The following SVEP1 variants were observed in gnomAD, a reference collection of about 807,000 sequenced individuals.
The protein encoded by SVEP1 is sushi, von Willebrand factor type A, EGF and pentraxin domain containing 1.
Under a neutral mutation model 367.3 loss-of-function variants are expected in SVEP1, and 164 were observed. The ratio of observed to expected loss-of-function variants is 0.45; its 90% CI spans 0.39 to 0.51. SVEP1 has a LOEUF of 0.51. SVEP1 is among the 20% of genes least tolerant of loss of function. The pLI, the probability that SVEP1 is intolerant of heterozygous loss-of-function variation, is 0.00. For synonymous variants in SVEP1, 1,666 were observed against 1,611.6 expected, an observed-to-expected ratio of 1.03 and a Z score of -0.81; for missense variants, 4,117 against 4,425.3, an observed-to-expected ratio of 0.93 and a Z score of 1.98.
chr9:110,571,376 G>A (rs1000365959), intron 1 of SVEP1, among the ~76,000 whole-genome samples: 1 of 152,170 alleles, frequency 6.6e-6, no homozygotes, highest in Non-Finnish European at 1.5e-5. Context: ...GAAGTACTGT[G>A]TGGACTGCCA....
intron 8 of SVEP1, among the ~76,000 whole-genome samples, chr9:110,493,394 T>C (rs1305134108): frequency 3.3e-5 from 5 of 152,138 alleles, no homozygotes; most frequent in African/African-American, 1.2e-4. Context: ...CTGTGTTCAT[T>C]TCCTATTGTT....
At chr9:110,514,250 G>T in intron 3 of SVEP1, 144 bp from the exon 4 acceptor site, 2 of 1,060,804 alleles carry the variant, frequency 1.9e-6, no homozygotes, top group South Asian at 1.5e-5. Context: ...GGTGGCTCAC[G>T]CCTGTAATCC....
chr9:110,543,106 C>T (rs893754795), intron 3 of SVEP1, among the ~76,000 whole-genome samples: 3 of 151,902 alleles, frequency 2.0e-5, no homozygotes, highest in Admixed American at 6.6e-5. Flanking sequence ...GTCCTTCATG[C>T]CATAGGAAGG....
intron 36 of SVEP1, among the ~76,000 whole-genome samples, chr9:110,425,299 CTAA>C (rs1344729614): frequency 1.3e-5 from 2 of 152,164 alleles, no homozygotes; most frequent in South Asian, 2.1e-4. Context: ...ACTTTATATG[CTAA>C]TAATGATACA....
At chr9:110,383,580 G>A (rs1827476060) in intron 43 of SVEP1, among the ~76,000 whole-genome samples, 1 of 151,668 alleles carries the variant, frequency 6.6e-6, no homozygotes. Flanking sequence ...TCCCAATCAG[G>A]AGGCATGGGA....
At chr9:110,508,922 T>G (rs905556922) in intron 5 of SVEP1, among the ~76,000 whole-genome samples, 1 of 152,168 alleles carries the variant, frequency 6.6e-6, no homozygotes, top group Admixed American at 6.5e-5. Flanking sequence ...AACATGATAT[T>G]TGTAAAAGGC....
At chr9:110,437,591 A>G (rs138844539) in intron 27 of SVEP1, among the ~76,000 whole-genome samples, 2 of 152,258 alleles carry the variant, frequency 1.3e-5, no homozygotes, top group East Asian at 1.9e-4. Context: ...CCTGCCTCTT[A>G]GAAGTGATCC....
chr9:110,414,866 A>G (rs553966872), intron 36 of SVEP1, among the ~76,000 whole-genome samples: 72 of 152,186 alleles, frequency 4.7e-4, no homozygotes, highest in Non-Finnish European at 9.7e-4. Flanking sequence ...TCAATCATAA[A>G]GATTTTTGTC....
At position 110,495,610 on chromosome 9, in the gene SVEP1, TC is replaced by T. The variant is rs536593618; in HGVS notation, c.1800+1204del. 8.0e-4 allele frequency among the ~76,000 whole-genome samples: 122 copies of T among 151,874 alleles called. No individual in the cohort carries two copies. In the East Asian group the frequency reaches 0.014, roughly 17 times the overall value. On this transcript the variant is annotated intron_variant, in intron 8 of 47. Transcript: ENST00000374469. ...TATTTTTTCTATGTTGCGCTCTGCA[TC>T]CCCCCCGCCGCCCCCAGTGTATCCT...
Position 110,411,058 on chromosome 9 carries a change from C to A in SVEP1, c.6648+5G>T, listed in dbSNP as rs1325987373. On this transcript the variant is annotated splice_donor_5th_base_variant and intron_variant, in intron 37 of 47. Coordinates refer to ENST00000374469, the MANE Select transcript of SVEP1 (RefSeq NM_153366.4). ...CCACAGACCATTTGCTAATTGGTCTCTTACCTCCAGAAAGCCATTCTCAAC... is the reference window on the plus strand; with the variant it reads ...CCACAGACCATTTGCTAATTGGTCTATTACCTCCAGAAAGCCATTCTCAAC... 6.4e-7 allele frequency: 1 copy of A among 1,552,550 alleles called. No individual in the cohort carries two copies. Among genetic ancestry groups the A allele is most frequent in the African/African-American group, 1.4e-5 (1 of 73,172 alleles).
chr9:110,409,088 T>G (rs1020245919), intron 37 of SVEP1, 137 bp from the exon 38 acceptor site: 1 of 1,029,938 alleles, frequency 9.7e-7, no homozygotes, highest in Non-Finnish European at 1.4e-6. Flanking sequence ...TAATGATTTA[T>G]GGTTTTTCCA....
intron 28 of SVEP1, among the ~76,000 whole-genome samples, chr9:110,435,966 TC>T: frequency 1.3e-5 from 2 of 152,102 alleles, no homozygotes; most frequent in African/African-American, 4.8e-5. Flanking sequence ...GCTGTTTGAC[TC>T]TAGGCTGGTT....
chr9:110,446,972 T>C lies in SVEP1; in HGVS notation c.4189A>G (p.Thr1397Ala). The C allele has an allele frequency of 6.5e-7, 1 of 1,547,496 alleles. No homozygotes were observed. Among genetic ancestry groups the C allele is most frequent in the Non-Finnish European group, 8.7e-7 (1 of 1,145,540 alleles). Residue 1397 changes from threonine (T) to alanine (A), a missense_variant, in exon 25 of 48, where the codon ACC (threonine) becomes GCC (alanine). Physicochemically the swap from Thr to Ala is moderately conservative, Grantham distance 58 (BLOSUM62 0). Transcript: ENST00000374469. Reference sequence around the variant, plus strand: ...TATGAATTTAATTCATCCACACAGGTGGCCTGATTTCTACATGGATTAGAC... The same window carrying C: ...TATGAATTTAATTCATCCACACAGGCGGCCTGATTTCTACATGGATTAGAC... ...CQSNPCRNQA[T>A]CVDELNSYSC...
chr9:110,491,587 T>TGG (rs1384723528), intron 8 of SVEP1, among the ~76,000 whole-genome samples: 2 of 77,374 alleles, frequency 2.6e-5, no homozygotes, highest in African/African-American at 1.3e-4. Flanking sequence ...TTTTATAGAA[T>TGG]GGGGTGTGTG....
At position 110,379,228 on chromosome 9, in the gene SVEP1, G is replaced by T. The variant is rs910472097; in HGVS notation, c.10408+119C>A. 8.6e-6 allele frequency: 10 copies of T among 1,158,156 alleles called. No individual in the cohort carries two copies. In the African/African-American group the frequency reaches 1.1e-4, roughly 13 times the overall value. 71.7% of individuals were successfully genotyped at this position (1,158,156 alleles called of 1,614,324 possible). The stretch of plus-strand genomic sequence containing the variant: ...AAAGAAAATTACACAGCTGCTAAAA[G>T]AAATTTTAAAGCCAAGGAAAAATAA... On this transcript the variant is annotated intron_variant, in intron 44 of 47. Transcript: ENST00000374469.
chr9:110,451,414 C>G lies in SVEP1; in HGVS notation c.3788-12G>C. 6.2e-7 allele frequency: 1 copy of G among 1,602,666 alleles called. No homozygotes were observed. Among genetic ancestry groups the G allele is most frequent in the Non-Finnish European group, 8.5e-7 (1 of 1,171,290 alleles). ...TTCACACCGCTGACCTGCAAAGAAT[C>G]ATTCATCTTTGAGCTGGAGAAAACT... On this transcript the variant is annotated splice_polypyrimidine_tract_variant and intron_variant, in intron 22 of 47. Coordinates refer to ENST00000374469, the MANE Select transcript of SVEP1 (RefSeq NM_153366.4).
chr9:110,486,032 A>G (rs997524319), intron 9 of SVEP1, among the ~76,000 whole-genome samples: 1 of 152,184 alleles, frequency 6.6e-6, no homozygotes, highest in African/African-American at 2.4e-5. Flanking sequence ...AACTCTGTAG[A>G]CCAGTGATGC....
chr9:110,516,649 A>G (rs1254387585), intron 3 of SVEP1, among the ~76,000 whole-genome samples: 2 of 152,174 alleles, frequency 1.3e-5, no homozygotes, highest in African/African-American at 4.8e-5. Flanking sequence ...GCAGCTGTAG[A>G]AGAAAATGAT....
chr9:110,401,651 G>C lies in SVEP1; in HGVS notation c.9667-642C>G, dbSNP rs886332209. Among the ~76,000 whole-genome samples the C allele has an allele frequency of 2.6e-5, 4 of 151,102 alleles. No individual in the cohort carries two copies. In the East Asian group the frequency reaches 5.9e-4, roughly 22 times the overall value. On this transcript the variant is annotated intron_variant, in intron 39 of 47. Transcript: ENST00000374469. Reference sequence around the variant, plus strand: ...ATAACCAAAATAAATTCCAGATATAGCAAAAGAAAACAATAATATGTAGCT... The same window carrying C: ...ATAACCAAAATAAATTCCAGATATACCAAAAGAAAACAATAATATGTAGCT...
Sources: allele counts gnomAD v4.1 joint callset (sites outside exome capture counted in the v4.1 genomes callset), GRCh38; gene constraint gnomAD v4.1.1; transcripts MANE v1.5; gene names NCBI Gene and HGNC (gene_info 2026-07-23, HGNC 2026-07-21).